The following RPS6KA6 variants were observed in gnomAD, a reference collection of about 807,000 sequenced individuals.
RPS6KA6 encodes the protein ribosomal protein S6 kinase A6, also known as ribosomal protein S6 kinase alpha-6.
Under a neutral mutation model 65.4 loss-of-function variants are expected in RPS6KA6, and 27 were observed. The observed-to-expected ratio is 0.41, with a 90% CI of 0.30 to 0.57. RPS6KA6 has a LOEUF of 0.57. Ranked by LOEUF, RPS6KA6 falls within the 20% of genes least tolerant of loss-of-function variation. The pLI, the probability that RPS6KA6 is intolerant of heterozygous loss-of-function variation, is 0.24. For missense variants in RPS6KA6, 486 were observed against 555.6 expected, an observed-to-expected ratio of 0.87 and a Z score of 1.26; for synonymous variants, 190 against 184.2, an observed-to-expected ratio of 1.03 and a Z score of -0.26.
intron 16 of RPS6KA6, among the ~76,000 whole-genome samples, chrX:84,104,945 G>A (rs1233350289): frequency 1.8e-5 from 2 of 110,126 alleles, no homozygotes; most frequent in African/African-American, 6.6e-5. Context: ...ATAGAACTCT[G>A]TGCCTCTCAA....
At chrX:84,183,303 C>T (rs1380807291) in intron 1 of RPS6KA6, among the ~76,000 whole-genome samples, 3 of 111,391 alleles carry the variant, frequency 2.7e-5, no homozygotes, top group Non-Finnish European at 3.8e-5. Context: ...AACTATTCTA[C>T]CTCTGCCAGG....
intron 9 of RPS6KA6, among the ~76,000 whole-genome samples, chrX:84,118,656 G>C (rs988797207): frequency 5.4e-5 from 6 of 111,600 alleles, no homozygotes; most frequent in Non-Finnish European, 1.1e-4. Context: ...AAATTTTATA[G>C]GCATTTTTAT....
intron 20 of RPS6KA6, among the ~76,000 whole-genome samples, chrX:84,067,470 G>A (rs750591540): frequency 2.7e-5 from 3 of 111,743 alleles, no homozygotes; most frequent in African/African-American, 9.8e-5. Context: ...AGAGAACTTC[G>A]TGAAGCATAC....
intron 21 of RPS6KA6, 54 bp from the exon 22 acceptor site, chrX:84,064,456 A>G: frequency 5.4e-6 from 6 of 1,106,908 alleles, no homozygotes; most frequent in African/African-American, 1.9e-5. Flanking sequence ...AGTTAAAAAA[A>G]AAAAAAACTT....
chrX:84,155,981 G>C, intron 3 of RPS6KA6, 94 bp downstream of exon 3: 1 of 499,886 alleles, frequency 2.0e-6, no homozygotes, highest in Admixed American at 2.9e-5. Context: ...CAGAAGTTTA[G>C]AAACGACTCA....
intron 9 of RPS6KA6, among the ~76,000 whole-genome samples, chrX:84,118,111 G>C (rs974574568): frequency 9.0e-6 from 1 of 111,665 alleles, no homozygotes; most frequent in Non-Finnish European, 1.9e-5. Context: ...AAATCATTAC[G>C]GTACATTAAA....
intron 12 of RPS6KA6, 62 bp downstream of exon 12, chrX:84,116,167 T>C: frequency 1.6e-6 from 1 of 614,861 alleles, no homozygotes; most frequent in Non-Finnish European, 2.6e-6. Context: ...AAGCAATAAA[T>C]CTTTAATATC....
intron 7 of RPS6KA6, 30 bp from the exon 8 acceptor site, chrX:84,134,849 T>G: frequency 3.9e-6 from 4 of 1,017,200 alleles, no homozygotes; most frequent in Non-Finnish European, 5.4e-6. Flanking sequence ...TTCAACAAGA[T>G]GGAATAAAAT....
Position 84,145,493 on chromosome X carries a change from T to A in RPS6KA6, c.486A>T (p.Thr162=), listed in dbSNP as rs375896049. 4.2e-5 allele frequency: 48 copies of A among 1,138,475 alleles called. No homozygotes were observed. Among genetic ancestry groups the A allele is most frequent in the Non-Finnish European group, 5.1e-5 (43 of 847,992 alleles). The allele number at this position is 1,138,475 out of a possible 1,213,427, so 93.8% of individuals were successfully genotyped here. A position where few individuals can be genotyped will look rare whatever the true frequency, so the allele number is the denominator to read the frequency against. Reference sequence around the variant, plus strand: ...AGATACTTACCTCTTTGGATAATCTTGTGAAAACATCTCCTCCCCTGAGAA... The same window carrying A: ...AGATACTTACCTCTTTGGATAATCTAGTGAAAACATCTCCTCCCCTGAGAA... ...LDFLRGGDVF[T]RLSKEVLFTE... The change falls in exon 6 of 22, where the codon ACA becomes ACT. Residue 162 remains threonine (T), a synonymous_variant. Transcript: ENST00000262752.
At chrX:84,072,575 A>G (rs2033568083) in intron 20 of RPS6KA6, among the ~76,000 whole-genome samples, 1 of 111,703 alleles carries the variant, frequency 9.0e-6, no homozygotes, top group Non-Finnish European at 1.9e-5. Flanking sequence ...AAAAGAAATA[A>G]GGGGCATGCA....
At chrX:84,096,070 T>C in intron 20 of RPS6KA6, 124 bp downstream of exon 20, 2 of 499,277 alleles carry the variant, frequency 4.0e-6, no homozygotes, top group Non-Finnish European at 7.2e-6. Context: ...CACTCATAGA[T>C]GTGTTAATTC....
intron 6 of RPS6KA6, 150 bp downstream of exon 6, chrX:84,145,328 A>G (rs758389326): frequency 1.0e-5 from 4 of 388,604 alleles, no homozygotes; most frequent in African/African-American, 5.4e-5. Context: ...AGAAAATGCC[A>G]TTAACAGGCA....
chrX:84,107,613 C>T lies in RPS6KA6; in HGVS notation c.1111+10G>A, dbSNP rs770401604. The T allele has an allele frequency of 4.8e-6, 5 of 1,045,671 alleles. No homozygotes were observed. The Admixed American group carries it at 1.2e-4, about 25-fold the overall frequency. 86.2% of individuals were successfully genotyped at this position (1,045,671 alleles called of 1,213,427 possible). ...TAAAATCTCTGATTTTACAGATAAA[C>T]ATGCATTACCTTTAGGTGTTTTTGC... On this transcript the variant is annotated intron_variant, in intron 13 of 21. Coordinates refer to ENST00000262752, the MANE Select transcript of RPS6KA6 (RefSeq NM_014496.5).
chrX:84,117,783 C>T (rs2034596720), intron 9 of RPS6KA6, among the ~76,000 whole-genome samples: 1 of 111,357 alleles, frequency 9.0e-6, no homozygotes, highest in South Asian at 3.7e-4. Flanking sequence ...CAAATATACT[C>T]TTTTGAAGAG....
chrX:84,140,950 A>G (rs1387645186), intron 6 of RPS6KA6, among the ~76,000 whole-genome samples: 16 of 109,502 alleles, frequency 1.5e-4, no homozygotes, highest in Admixed American at 1.4e-3. Flanking sequence ...AAGAAAGGAC[A>G]TGCTTCATAC....
chrX:84,080,777 C>T (rs2033779347), intron 20 of RPS6KA6, among the ~76,000 whole-genome samples: 1 of 110,898 alleles, frequency 9.0e-6, no homozygotes, highest in South Asian at 3.8e-4. Flanking sequence ...AACAAACAGT[C>T]TCTAGGAAAA....
In RPS6KA6 at chrX:84,188,010, GA is replaced by G; in HGVS notation, c.-112del. On this transcript the variant is annotated 5_prime_UTR_variant, in exon 1 of 22. Transcript: ENST00000262752. ...CCGCCGCCGCCGCCGCCGCCGCCGCGACCCCCAGCCCCGCCTTCAGCGAGCG... is the reference window on the plus strand; with the variant it reads ...CCGCCGCCGCCGCCGCCGCCGCCGCGCCCCCAGCCCCGCCTTCAGCGAGCG... 1 of 410,509 alleles carries G rather than the reference GA, an allele frequency of 2.4e-6. No homozygotes were observed. The highest frequency in any genetic ancestry group is 3.1e-6 in the Non-Finnish European group (1 of 320,893). The allele number at this position is 410,509 out of a possible 1,213,427, so 33.8% of individuals were successfully genotyped here.
At chrX:84,186,133 G>C (rs1013703723) in intron 1 of RPS6KA6, 1 of 509,297 alleles carries the variant, frequency 2.0e-6, no homozygotes, top group African/African-American at 2.3e-5. Context: ...CTGAGGTAGA[G>C]AGACCCATTG....
chrX:84,143,368 G>A (rs906023151), intron 6 of RPS6KA6, among the ~76,000 whole-genome samples: 8 of 110,842 alleles, frequency 7.2e-5, no homozygotes, highest in African/African-American at 2.6e-4. Flanking sequence ...TAGACTGTGG[G>A]AAACAAGCTC....
Sources: gnomAD v4.1 joint callset for allele counts (sites outside exome capture counted in the v4.1 genomes callset) on GRCh38, gnomAD v4.1.1 for gene constraint, MANE v1.5 for transcripts, NCBI Gene and HGNC (gene_info 2026-07-23, HGNC 2026-07-21) for gene names.